ANKRD13A: variants seen among roughly 807,000 people sequenced by gnomAD.
The protein encoded by ANKRD13A is ankyrin repeat domain-containing protein 13A.
In ANKRD13A, 48 loss-of-function variants were observed where a neutral mutation model predicts 81.3. That is an observed-to-expected ratio of 0.59 (90% CI 0.47 to 0.75). The LOEUF is 0.75. Ranked by LOEUF, ANKRD13A falls within the 30% of genes least tolerant of loss-of-function variation. The pLI is 0.00. For missense variants in ANKRD13A, 612 were observed against 734.0 expected (o/e 0.83, Z 1.92); for synonymous variants, 230 against 270.1 (o/e 0.85, Z 1.45).
chr12:110,019,164 C>T lies in ANKRD13A; in HGVS notation c.570C>T (p.Val190=). Reference sequence around the variant, plus strand: ...ACAACTGGGCGGAGTTAATGGAAGTCAACCATGATGACAAAGTGGTCACCA... The same window carrying T: ...ACAACTGGGCGGAGTTAATGGAAGTTAACCATGATGACAAAGTGGTCACCA... ...GEDNWAELME[V]NHDDKVVTTE... The change falls in exon 6 of 15, where the codon GTC becomes GTT. Residue 190 remains valine, a synonymous_variant. Coordinates refer to ENST00000261739, the MANE Select transcript of ANKRD13A (RefSeq NM_033121.2). 6.2e-7 allele frequency: 1 copy of T among 1,605,276 alleles called. No individual in the cohort carries two copies. The highest frequency in any genetic ancestry group is 8.5e-7 in the Non-Finnish European group (1 of 1,174,820).
At chr12:110,014,677 A>G (rs1252867901) in intron 3 of ANKRD13A, among the ~76,000 whole-genome samples, 9 of 151,702 alleles carry the variant, frequency 5.9e-5, no homozygotes, top group Non-Finnish European at 2.9e-5. Context: ...GGCAGATTTT[A>G]CTCCAGGGTA....
chr12:110,004,118 A>G (rs1187928583), intron 1 of ANKRD13A, among the ~76,000 whole-genome samples: 1 of 150,830 alleles, frequency 6.6e-6, no homozygotes, highest in African/African-American at 2.4e-5. Flanking sequence ...AAATCGCACC[A>G]TTGCACTCTA....
rs1892246789 is a variant in ANKRD13A at position 110,039,507 on chromosome 12, T to A, written c.*1953T>A. 1 of 152,236 alleles carries A rather than the reference T, an allele frequency of 6.6e-6. No homozygotes were observed. Among genetic ancestry groups the A allele is most frequent in the Non-Finnish European group, 1.5e-5 (1 of 68,044 alleles). The allele number at this position is 152,236 out of a possible 1,614,324, so 9.4% of individuals were successfully genotyped here. ...GTACCCACACTTCCTGTTACGTATG[T>A]CAGTAGAACATTAGAATGCCTCACT... On this transcript the variant is annotated 3_prime_UTR_variant, in exon 15 of 15. Transcript: ENST00000261739.
intron 1 of ANKRD13A, among the ~76,000 whole-genome samples, chr12:110,010,428 G>A (rs11064716): frequency 6.9e-4 from 105 of 152,302 alleles, no homozygotes; most frequent in African/African-American, 2.5e-3. Flanking sequence ...TAGTTCATAA[G>A]TTCATCGTCT....
intron 12 of ANKRD13A, 40 bp from the exon 13 acceptor site, chr12:110,033,757 G>A: frequency 6.6e-7 from 1 of 1,508,280 alleles, no homozygotes. Context: ...GAGTGGAAAT[G>A]TAATGAACTC....
At chr12:110,037,242 T>C in intron 14 of ANKRD13A, 117 bp from the exon 15 acceptor site, 1 of 997,792 alleles carries the variant, frequency 1.0e-6, no homozygotes, top group South Asian at 1.5e-5. Flanking sequence ...ATTGGCATCA[T>C]GCATATTAAA....
Position 110,016,401 on chromosome 12 carries a change from A to G in ANKRD13A, c.368A>G (p.Tyr123Cys). 1.3e-6 allele frequency: 2 copies of G among 1,590,232 alleles called. No homozygotes were observed. The highest frequency in any genetic ancestry group is 1.7e-6 in the Non-Finnish European group (2 of 1,164,070). The change falls in exon 4 of 15, where the codon TAT becomes TGT. Residue 123 changes from tyrosine (Y) to cysteine (C), a missense_variant. Coordinates refer to ENST00000261739, the MANE Select transcript of ANKRD13A (RefSeq NM_033121.2). The stretch of plus-strand genomic sequence containing the variant: ...TCTGCCCTTCAGGCTCCGGATTTCT[A>G]TGTGCAGATGAAATGGGAATTCACC... ...LQKILEAPDFYVQMKWEFTSW... is the reference protein window; with the variant it reads ...LQKILEAPDFCVQMKWEFTSW...
At chr12:110,023,966 A>T (rs144337427) in intron 6 of ANKRD13A, 80 bp from the exon 7 acceptor site, 1 of 1,433,364 alleles carries the variant, frequency 7.0e-7, no homozygotes, top group Middle Eastern at 1.8e-4. Flanking sequence ...CTGGGGGGGA[A>T]AAAAACTATA....
intron 1 of ANKRD13A, among the ~76,000 whole-genome samples, chr12:110,009,991 A>G (rs1425486700): frequency 6.6e-6 from 1 of 152,146 alleles, no homozygotes; most frequent in Non-Finnish European, 1.5e-5. Context: ...CAGCTTCCCG[A>G]GTAGCTGGGA....
At chr12:110,008,687 C>G (rs1211457292) in intron 1 of ANKRD13A, among the ~76,000 whole-genome samples, 1 of 152,152 alleles carries the variant, frequency 6.6e-6, no homozygotes, top group Non-Finnish European at 1.5e-5. Flanking sequence ...GAGTTCAAGA[C>G]CAGCCTGGCC....
chr12:110,013,384 A>G, intron 3 of ANKRD13A, 135 bp downstream of exon 3: 1 of 1,089,818 alleles, frequency 9.2e-7, no homozygotes. Flanking sequence ...AATACCAATC[A>G]CATTATTCCT....
At chr12:110,012,354 A>G (rs1008639848) in intron 2 of ANKRD13A, among the ~76,000 whole-genome samples, 12 of 152,180 alleles carry the variant, frequency 7.9e-5, no homozygotes, top group Non-Finnish European at 2.9e-5. Context: ...CAATAGAGCA[A>G]GAACTTTTCT....
intron 1 of ANKRD13A, among the ~76,000 whole-genome samples, chr12:110,006,336 T>A (rs1398674163): frequency 1.3e-5 from 2 of 152,232 alleles, no homozygotes; most frequent in Non-Finnish European, 2.9e-5. Context: ...TGTTGTTTTG[T>A]TTGTACGCAT....
intron 1 of ANKRD13A, among the ~76,000 whole-genome samples, chr12:110,000,395 C>A (rs889545254): frequency 6.6e-6 from 1 of 152,166 alleles, no homozygotes; most frequent in Non-Finnish European, 1.5e-5. Flanking sequence ...TAACAAACTC[C>A]CCAGGGAGGC....
chr12:110,011,161 T>A (rs1331804134), intron 1 of ANKRD13A, among the ~76,000 whole-genome samples: 1 of 152,136 alleles, frequency 6.6e-6, no homozygotes, highest in Admixed American at 6.5e-5. Flanking sequence ...TTTGTTGTAT[T>A]CTTGGAAGAA....
At chr12:110,005,246 A>G (rs1488279219) in intron 1 of ANKRD13A, among the ~76,000 whole-genome samples, 2 of 152,046 alleles carry the variant, frequency 1.3e-5, no homozygotes, top group Non-Finnish European at 2.9e-5. Flanking sequence ...GGCTTAAGCA[A>G]TCCTCCCACC....
Position 109,999,464 on chromosome 12 carries a change from A to G in ANKRD13A, c.-225A>G, listed in dbSNP as rs1303046649. The stretch of plus-strand genomic sequence containing the variant: ...TCCGCGAGCTGTCAGCGCGGGCGGG[A>G]ACGCCGCGGGGCGCGGGGTGGGCGC... On this transcript the variant is annotated 5_prime_UTR_variant, in exon 1 of 15. Coordinates refer to ENST00000261739, the MANE Select transcript of ANKRD13A (RefSeq NM_033121.2). This position sits in a 1 kb window ranked among gnomAD's most constrained non-coding sequence, Gnocchi z 4.3. The G allele has an allele frequency of 2.4e-5, 6 of 247,550 alleles. No homozygotes were observed. Among genetic ancestry groups the G allele is most frequent in the Non-Finnish European group, 3.8e-5 (5 of 131,164 alleles). 15.3% of individuals were successfully genotyped at this position (247,550 alleles called of 1,614,324 possible). A position where few individuals can be genotyped will look rare whatever the true frequency, so the allele number is the denominator to read the frequency against.
At chr12:110,029,433 A>G (rs1353455983) in intron 10 of ANKRD13A, 45 bp from the exon 11 acceptor site, 2 of 1,593,462 alleles carry the variant, frequency 1.3e-6, no homozygotes, top group African/African-American at 1.3e-5. Context: ...TCCTTTTCCC[A>G]TCTGGTGGAG....
At chr12:110,024,570 G>A (rs1394073096) in intron 7 of ANKRD13A, among the ~76,000 whole-genome samples, 5 of 152,200 alleles carry the variant, frequency 3.3e-5, no homozygotes, top group Admixed American at 3.3e-4. Flanking sequence ...TTGTAATAGT[G>A]GAGACGATTG....
Sources: gnomAD v4.1 joint callset for allele counts (sites outside exome capture counted in the v4.1 genomes callset) on GRCh38, gnomAD v4.1.1 for gene constraint, Gnocchi (gnomAD v3.1) non-coding constraint, MANE v1.5 for transcripts, NCBI Gene and HGNC (gene_info 2026-07-23, HGNC 2026-07-21) for gene names.